The following PEBP4 variants were observed in gnomAD, a reference collection of about 807,000 sequenced individuals.
The protein encoded by PEBP4 is phosphatidylethanolamine binding protein 4, also known as phosphatidylethanolamine-binding protein 4.
Under a neutral mutation model 23.9 loss-of-function variants are expected in PEBP4, and 22 were observed. The observed-to-expected ratio is 0.92, with a 90% CI of 0.66 to 1.31. The LOEUF is 1.31. Ranked by LOEUF, PEBP4 falls within the 40% of genes most tolerant of loss-of-function variation. The probability of loss-of-function intolerance (pLI) is 0.00; values close to 1 mark genes in which losing one functional copy is unlikely to be tolerated. For missense variants in PEBP4, 324 were observed against 281.7 expected, an observed-to-expected ratio of 1.15 and a Z score of -1.07; for synonymous variants, 112 against 99.3, an observed-to-expected ratio of 1.13 and a Z score of -0.76.
intron 3 of PEBP4, among the ~76,000 whole-genome samples, chr8:22,822,067 T>C (rs1383630058): frequency 1.4e-5 from 2 of 146,770 alleles, no homozygotes; most frequent in Non-Finnish European, 3.0e-5. Context: ...AAGAGAGAAA[T>C]GAAGGAAGGG....
chr8:22,901,239 G>C (rs1186541160), intron 3 of PEBP4, among the ~76,000 whole-genome samples: 4 of 152,198 alleles, frequency 2.6e-5, no homozygotes, highest in African/African-American at 7.2e-5. Flanking sequence ...CGTATTCACT[G>C]AAGACTTGTA....
chr8:22,815,687 G>A (rs1322742729), intron 4 of PEBP4, among the ~76,000 whole-genome samples: 1 of 152,216 alleles, frequency 6.6e-6, no homozygotes, highest in African/African-American at 2.4e-5. Flanking sequence ...CCGGGCAGGT[G>A]GCACTGGTAA....
At chr8:22,735,884 C>T (rs1255046159) in intron 4 of PEBP4, among the ~76,000 whole-genome samples, 1 of 152,256 alleles carries the variant, frequency 6.6e-6, no homozygotes, top group African/African-American at 2.4e-5. Context: ...AATAAAAGGG[C>T]TACATGTTCC....
intron 3 of PEBP4, among the ~76,000 whole-genome samples, chr8:22,917,954 C>T (rs1012654158): frequency 6.6e-6 from 1 of 152,186 alleles, no homozygotes; most frequent in African/African-American, 2.4e-5. Flanking sequence ...AGACAGATTC[C>T]TGGTGACACT....
At chr8:22,779,762 C>T (rs1180420852) in intron 4 of PEBP4, among the ~76,000 whole-genome samples, 2 of 152,032 alleles carry the variant, frequency 1.3e-5, no homozygotes, top group Non-Finnish European at 2.9e-5. Context: ...AGCAGGGCTT[C>T]GAATATATGC....
chr8:22,814,316 T>C (rs537053382), intron 4 of PEBP4, among the ~76,000 whole-genome samples: 122 of 152,340 alleles, frequency 8.0e-4, no homozygotes, highest in African/African-American at 2.9e-3. Flanking sequence ...GTGTTCTATA[T>C]ATATTTCTTG....
intron 4 of PEBP4, among the ~76,000 whole-genome samples, chr8:22,742,124 G>A (rs1805007826): frequency 6.6e-6 from 1 of 152,198 alleles, no homozygotes; most frequent in Admixed American, 6.5e-5. Flanking sequence ...TAGGACACCA[G>A]GCCCACCCCT....
At chr8:22,762,043 C>T (rs563054236) in intron 4 of PEBP4, among the ~76,000 whole-genome samples, 3 of 152,056 alleles carry the variant, frequency 2.0e-5, no homozygotes, top group Admixed American at 6.6e-5. Context: ...TTCTAACCCC[C>T]ACCTTTTAAC....
At chr8:22,729,924 G>A (rs564097497) in intron 4 of PEBP4, among the ~76,000 whole-genome samples, 1 of 152,178 alleles carries the variant, frequency 6.6e-6, no homozygotes, top group African/African-American at 2.4e-5. Context: ...TTCTACCATA[G>A]AATCAACACC....
At chr8:22,738,305 C>G (rs147940428) in intron 4 of PEBP4, among the ~76,000 whole-genome samples, 1 of 152,154 alleles carries the variant, frequency 6.6e-6, no homozygotes, top group Non-Finnish European at 1.5e-5. Context: ...CAGGCGGGCT[C>G]GGCTCAGGAG....
intron 3 of PEBP4, among the ~76,000 whole-genome samples, chr8:22,899,927 T>G (rs554093935): frequency 6.6e-6 from 1 of 152,218 alleles, no homozygotes; most frequent in East Asian, 1.9e-4. Context: ...TCACCCGCAG[T>G]CAAGGTGAGT....
chr8:22,815,849 G>A (rs1394097719), intron 4 of PEBP4, among the ~76,000 whole-genome samples: 1 of 152,178 alleles, frequency 6.6e-6, no homozygotes. Context: ...GGGGAGTGCA[G>A]GAGTCGGGGG....
chr8:22,760,501 T>A (rs925299530), intron 4 of PEBP4, among the ~76,000 whole-genome samples: 3 of 151,882 alleles, frequency 2.0e-5, no homozygotes, highest in Non-Finnish European at 4.4e-5. Context: ...GAACAGTGAA[T>A]GAAGAGGCCA....
intron 4 of PEBP4, among the ~76,000 whole-genome samples, chr8:22,789,692 T>A (rs777237081): frequency 9.2e-5 from 14 of 152,206 alleles, no homozygotes; most frequent in Non-Finnish European, 1.5e-4. Flanking sequence ...GAAATCAGTC[T>A]CTGGGTGGCC....
chr8:22,812,255 G>A (rs1372378673), intron 4 of PEBP4, among the ~76,000 whole-genome samples: 1 of 152,182 alleles, frequency 6.6e-6, no homozygotes, highest in Non-Finnish European at 1.5e-5. Flanking sequence ...AAAGCAGGGA[G>A]CCATAATTCT....
In PEBP4 at chr8:22,920,228, T is replaced by C. The variant is rs188098209; in HGVS notation, c.214A>G (p.Thr72Ala). 6.2e-7 allele frequency: 1 copy of C among 1,612,142 alleles called. No individual in the cohort carries two copies. Among genetic ancestry groups the C allele is most frequent in the Admixed American group, 1.7e-5 (1 of 59,898 alleles). ...TTGACTATCGGCTCCATCCAGGAGGTGATCTTCTGTCTGTAGTTGTTACAA... is the reference window on the plus strand; with the variant it reads ...TTGACTATCGGCTCCATCCAGGAGGCGATCTTCTGTCTGTAGTTGTTACAA... ...PDCNNYRQKI[T>A]SWMEPIVKFP... Residue 72 changes from threonine to alanine, a missense_variant, in exon 3 of 7, where the codon ACC (threonine) becomes GCC (alanine). Transcript: ENST00000256404.
chr8:22,830,147 T>TGTGTGTGTGTGTGTG (rs1393564112), intron 3 of PEBP4, among the ~76,000 whole-genome samples: 99 of 80,914 alleles, frequency 1.2e-3, no homozygotes, highest in African/African-American at 5.3e-3. Context: ...GTGTGTGTGT[T>TGTGTGTGTGTGTGTG]TTTACGGAGT....
chr8:22,819,924 G>A (rs1156386530), intron 3 of PEBP4, among the ~76,000 whole-genome samples: 1 of 152,068 alleles, frequency 6.6e-6, no homozygotes, highest in African/African-American at 2.4e-5. Context: ...TTTTTAAAGA[G>A]GGGGATGATG....
rs143673831 is a variant in PEBP4, at chr8:22,920,451, G to C, written c.132-141C>G. ...CCTGCCACTAACTAGTTGTGTGACCGAAGAGTTACTTGACCTCCTTGTGCC... is the reference window on the plus strand; with the variant it reads ...CCTGCCACTAACTAGTTGTGTGACCCAAGAGTTACTTGACCTCCTTGTGCC... On this transcript the variant is annotated intron_variant, in intron 2 of 6. Transcript: ENST00000256404. 4.9e-6 allele frequency: 5 copies of C among 1,011,902 alleles called. No homozygotes were observed. In the African/African-American group the frequency reaches 8.0e-5, roughly 16 times the overall value. 62.7% of individuals were successfully genotyped at this position (1,011,902 alleles called of 1,614,324 possible).
Sources: allele counts gnomAD v4.1 joint callset (sites outside exome capture counted in the v4.1 genomes callset), GRCh38; gene constraint gnomAD v4.1.1; transcripts MANE v1.5; gene names NCBI Gene and HGNC (gene_info 2026-07-23, HGNC 2026-07-21).